The following NUDCD1 variants were observed in gnomAD, a reference collection of about 807,000 sequenced individuals.
NUDCD1 encodes the protein NudC domain containing 1, also known as nudC domain-containing protein 1.
A neutral mutation model predicts 67.8 loss-of-function variants in NUDCD1; 60 were observed. The observed-to-expected ratio is 0.88, with a 90% confidence interval of 0.72 to 1.10. The LOEUF is 1.10. Among genes scored for constraint, NUDCD1 ranks in the 50% least tolerant of loss-of-function variants. NUDCD1 has a pLI of 0.00. For missense variants in NUDCD1, 643 were observed against 695.0 expected, an observed-to-expected ratio of 0.93 and a Z score of 0.84; for synonymous variants, 244 against 230.8, an observed-to-expected ratio of 1.06 and a Z score of -0.52.
intron 1 of NUDCD1, among the ~76,000 whole-genome samples, chr8:109,324,077 C>T (rs984056159): frequency 1.3e-5 from 2 of 151,678 alleles, no homozygotes; most frequent in Non-Finnish European, 2.9e-5. Flanking sequence ...ACAACAACAA[C>T]AACAAAAATA....
chr8:109,285,038 C>A (rs1586277996), intron 5 of NUDCD1, among the ~76,000 whole-genome samples: 1 of 151,876 alleles, frequency 6.6e-6, no homozygotes, highest in East Asian at 1.9e-4. Flanking sequence ...TTATGAAGCC[C>A]TGTATCACAC....
intron 8 of NUDCD1, among the ~76,000 whole-genome samples, chr8:109,262,662 C>T (rs554409955): frequency 3.9e-5 from 6 of 152,200 alleles, no homozygotes; most frequent in African/African-American, 1.2e-4. Flanking sequence ...ACTATATTGA[C>T]CAAGGGGCTC....
intron 8 of NUDCD1, among the ~76,000 whole-genome samples, chr8:109,262,880 C>T (rs1813898258): frequency 6.6e-6 from 1 of 151,682 alleles, no homozygotes; most frequent in East Asian, 1.9e-4. Flanking sequence ...ATGGTGAAAC[C>T]TTGTCCCTAC....
chr8:109,305,689 C>T (rs1294539170), intron 2 of NUDCD1, among the ~76,000 whole-genome samples: 3 of 152,132 alleles, frequency 2.0e-5, no homozygotes, highest in Non-Finnish European at 2.9e-5. Flanking sequence ...GCAGGACAGA[C>T]AGGAAATTCA....
intron 2 of NUDCD1, among the ~76,000 whole-genome samples, chr8:109,308,669 T>TA (rs1046037441): frequency 4.0e-5 from 6 of 150,222 alleles, no homozygotes; most frequent in East Asian, 2.0e-4. Flanking sequence ...AAATTACCAA[T>TA]AAAAAAAAAG....
intron 2 of NUDCD1, among the ~76,000 whole-genome samples, chr8:109,306,953 C>T (rs571507706): frequency 3.3e-5 from 5 of 152,194 alleles, no homozygotes; most frequent in East Asian, 3.9e-4. Flanking sequence ...TCTCTCCATA[C>T]CACCCCCCAA....
chr8:109,268,673 A>C (rs1814067991), intron 8 of NUDCD1, among the ~76,000 whole-genome samples: 1 of 152,208 alleles, frequency 6.6e-6, no homozygotes, highest in Admixed American at 6.5e-5. Flanking sequence ...AACAGTATCT[A>C]AGAGTTATAG....
intron 5 of NUDCD1, among the ~76,000 whole-genome samples, chr8:109,285,831 A>G (rs1345581463): frequency 2.0e-5 from 3 of 152,142 alleles, no homozygotes; most frequent in Non-Finnish European, 4.4e-5. Context: ...CAAAAGAAAT[A>G]AATAAAAGGT....
Position 109,322,293 on chromosome 8 carries a change from T to A in NUDCD1, c.273+16A>T, listed in dbSNP as rs753451607. 1 of 1,374,804 alleles carries A rather than the reference T, an allele frequency of 7.3e-7. No homozygotes were observed. The highest frequency in any genetic ancestry group is 1.3e-5 in the South Asian group (1 of 79,048). The allele number at this position is 1,374,804 out of a possible 1,614,324, so 85.2% of individuals were successfully genotyped here. A position where few individuals can be genotyped will look rare whatever the true frequency, so the allele number is the denominator to read the frequency against. ...TTACATACATATATTAATTATTACATACATGTTTCTCTTACCAGCATTACT... is the reference window on the plus strand; with the variant it reads ...TTACATACATATATTAATTATTACAAACATGTTTCTCTTACCAGCATTACT... On this transcript the variant is annotated intron_variant, in intron 2 of 9. Transcript: ENST00000239690.
Position 109,308,971 on chromosome 8 carries a change from C to CA in NUDCD1, c.274-12403dup, listed in dbSNP as rs34837773. ...TGGGTGACAGAGCAAGAGTCCATCT[C>CA]AAAAAAAAAAAAAAAAAGTCCGGGA... On this transcript the variant is annotated intron_variant, in intron 2 of 9. Transcript: ENST00000239690. Among the ~76,000 whole-genome samples, 365 of 116,320 alleles carry CA rather than the reference C, an allele frequency of 3.1e-3. 1 individual carries two copies. Among genetic ancestry groups the CA allele is most frequent in the South Asian group, 7.1e-3 (25 of 3,540 alleles). The allele number at this position is 116,320 out of a possible 152,430, so 76.3% of individuals were successfully genotyped here.
chr8:109,261,183 T>C (rs1187583755), intron 8 of NUDCD1, among the ~76,000 whole-genome samples: 1 of 152,180 alleles, frequency 6.6e-6, no homozygotes, highest in Non-Finnish European at 1.5e-5. Context: ...ATGCAATATA[T>C]TAGTATAAAA....
intron 8 of NUDCD1, among the ~76,000 whole-genome samples, chr8:109,270,260 T>C (rs1293358183): frequency 6.6e-6 from 1 of 151,662 alleles, no homozygotes; most frequent in East Asian, 1.9e-4. Context: ...TCATACAAAT[T>C]GGTAAGAAAC....
intron 2 of NUDCD1, among the ~76,000 whole-genome samples, chr8:109,319,407 T>C (rs971612262): frequency 6.6e-6 from 1 of 152,232 alleles, no homozygotes; most frequent in Non-Finnish European, 1.5e-5. Flanking sequence ...AAAGCCTAAA[T>C]TAGCTGGCCT....
rs778539648 is a variant in NUDCD1, at chr8:109,334,036, A to C, written c.-26T>G. ...CGCTTTCCAGGGCCGCAGCGTGAGA[A>C]TTAATAAAGCCCTTGTTGAAAGGTC... On this transcript the variant is annotated 5_prime_UTR_variant, in exon 1 of 10. Coordinates refer to ENST00000239690, the MANE Select transcript of NUDCD1 (RefSeq NM_032869.4). 1.2e-6 allele frequency: 2 copies of C among 1,613,870 alleles called. No homozygotes were observed. Among genetic ancestry groups the C allele is most frequent in the South Asian group, 1.1e-5 (1 of 91,082 alleles).
chr8:109,319,649 G>T (rs1368186380), intron 2 of NUDCD1, among the ~76,000 whole-genome samples: 3 of 152,186 alleles, frequency 2.0e-5, no homozygotes, highest in Non-Finnish European at 4.4e-5. Flanking sequence ...GAAGAAATAG[G>T]ATACAGCACA....
intron 1 of NUDCD1, among the ~76,000 whole-genome samples, chr8:109,324,183 A>C (rs1399782422): frequency 6.6e-6 from 1 of 151,854 alleles, no homozygotes; most frequent in East Asian, 1.9e-4. Flanking sequence ...AAGGAATGAA[A>C]ATTTTTTTTG....
At chr8:109,263,668 A>G (rs1813922167) in intron 8 of NUDCD1, among the ~76,000 whole-genome samples, 1 of 152,152 alleles carries the variant, frequency 6.6e-6, no homozygotes, top group African/African-American at 2.4e-5. Flanking sequence ...TATACACACA[A>G]TCTCTGCTTT....
At chr8:109,246,761 C>T (rs974425778) in intron 8 of NUDCD1, among the ~76,000 whole-genome samples, 1 of 152,084 alleles carries the variant, frequency 6.6e-6, no homozygotes, top group African/African-American at 2.4e-5. Context: ...AAAATATGCA[C>T]AGTACTTATA....
intron 6 of NUDCD1, among the ~76,000 whole-genome samples, chr8:109,277,955 A>C (rs988817284): frequency 1.3e-5 from 2 of 152,236 alleles, no homozygotes; most frequent in Non-Finnish European, 2.9e-5. Flanking sequence ...CTTCATTAAT[A>C]AAATGTAAGA....
Sources: allele counts gnomAD v4.1 joint callset (sites outside exome capture counted in the v4.1 genomes callset), GRCh38; gene constraint gnomAD v4.1.1; transcripts MANE v1.5; gene names NCBI Gene and HGNC (gene_info 2026-07-23, HGNC 2026-07-21).